IKZF2: variants seen among roughly 807,000 people sequenced by gnomAD.
The protein encoded by IKZF2 is IKAROS family zinc finger 2, also known as zinc finger protein Helios.
In IKZF2, 15 loss-of-function variants were observed where a neutral mutation model predicts 49.2. The observed-to-expected ratio is 0.30, with a 90% CI of 0.20 to 0.47. The LOEUF is 0.47. Among genes scored for constraint, IKZF2 ranks in the 20% least tolerant of loss-of-function variants. IKZF2 has a pLI of 1.00. For missense variants in IKZF2, 567 were observed against 664.6 expected (o/e 0.85, Z 1.61); for synonymous variants, 227 against 221.4 (o/e 1.03, Z -0.23).
At chr2:213,042,862 C>A (rs1456068594) in intron 6 of IKZF2, among the ~76,000 whole-genome samples, 2 of 151,782 alleles carry the variant, frequency 1.3e-5, no homozygotes, top group African/African-American at 2.4e-5. Context: ...AAATAAATAA[C>A]AAAATATATA....
At position 213,000,398 on chromosome 2, in the gene IKZF2, A is replaced by C. The variant is rs1189735483; in HGVS notation, c.*6962T>G. ...ACACAAAATACCCTAGAAACTGTCAAGCAATTAGTCTTTAAAATAGTCTAA... is the reference window on the plus strand; with the variant it reads ...ACACAAAATACCCTAGAAACTGTCACGCAATTAGTCTTTAAAATAGTCTAA... On this transcript the variant is annotated 3_prime_UTR_variant, in exon 9 of 9. Coordinates refer to ENST00000434687, the MANE Select transcript of IKZF2 (RefSeq NM_001387220.1). 6.6e-6 allele frequency: 1 copy of C among 151,358 alleles called. No homozygotes were observed. Among genetic ancestry groups the C allele is most frequent in the Non-Finnish European group, 1.5e-5 (1 of 67,498 alleles). The allele number at this position is 151,358 out of a possible 1,614,324, so 9.4% of individuals were successfully genotyped here.
chr2:213,104,774 T>C (rs1469735610), intron 4 of IKZF2, among the ~76,000 whole-genome samples: 1 of 152,198 alleles, frequency 6.6e-6, no homozygotes, highest in African/African-American at 2.4e-5. Flanking sequence ...CTTTTGCATT[T>C]AGATGCCAAC....
intron 4 of IKZF2, among the ~76,000 whole-genome samples, chr2:213,097,492 CAT>C: frequency 1.3e-5 from 2 of 152,158 alleles, no homozygotes; most frequent in East Asian, 3.9e-4. Flanking sequence ...CTCTTGATTT[CAT>C]ATGTTAAAGT....
intron 5 of IKZF2, among the ~76,000 whole-genome samples, chr2:213,052,039 T>C (rs940970565): frequency 6.6e-6 from 1 of 152,004 alleles, no homozygotes; most frequent in Admixed American, 6.6e-5. Flanking sequence ...AGTCTAAAAA[T>C]GAAACAATAT....
chr2:213,138,510 C>T (rs1410563141), intron 4 of IKZF2, among the ~76,000 whole-genome samples: 1 of 151,938 alleles, frequency 6.6e-6, no homozygotes, highest in Non-Finnish European at 1.5e-5. Context: ...CAGAAGCATA[C>T]TATTTAAACA....
intron 4 of IKZF2, among the ~76,000 whole-genome samples, chr2:213,121,835 T>C (rs2060068191): frequency 1.3e-5 from 2 of 152,220 alleles, no homozygotes; most frequent in African/African-American, 4.8e-5. Context: ...TAATCAGCTG[T>C]TGAAATCTAA....
At position 213,003,644 on chromosome 2, in the gene IKZF2, T is replaced by G. The variant is rs1695086699; in HGVS notation, c.*3716A>C. On this transcript the variant is annotated 3_prime_UTR_variant, in exon 9 of 9. Coordinates refer to ENST00000434687, the MANE Select transcript of IKZF2 (RefSeq NM_001387220.1). ...TTTTGGAGATAGGATGAAATAAAAT[T>G]TGGAAGATAGTGAGAACATAATAAT... 6.6e-6 allele frequency: 1 copy of G among 151,636 alleles called. No individual in the cohort carries two copies. 9.4% of individuals were successfully genotyped at this position (151,636 alleles called of 1,614,324 possible).
At position 213,005,576 on chromosome 2, in the gene IKZF2, TAC is replaced by T; in HGVS notation, c.*1782_*1783del. The stretch of plus-strand genomic sequence containing the variant: ...ATTCTCATACCACACTGTATTAAGA[TAC>T]ATAATTTCAGCATCCTATTTAATGA... On this transcript the variant is annotated 3_prime_UTR_variant, in exon 9 of 9. Transcript: ENST00000434687. 1 of 152,158 alleles carries T rather than the reference TAC, an allele frequency of 6.6e-6. No individual in the cohort carries two copies. Among genetic ancestry groups the T allele is most frequent in the Non-Finnish European group, 1.5e-5 (1 of 67,990 alleles). 9.4% of individuals were successfully genotyped at this position (152,158 alleles called of 1,614,324 possible).
At chr2:213,152,003 CG>C (rs2061297854), upstream of IKZF2, 1 of 151,928 alleles carries the variant, frequency 6.6e-6, no homozygotes, top group Admixed American at 6.6e-5. Context: ...CGCCCGGCCG[CG>C]TCGCCCCCAG....
chr2:213,129,551 T>C (rs1353652248), intron 4 of IKZF2, among the ~76,000 whole-genome samples: 2 of 151,800 alleles, frequency 1.3e-5, no homozygotes, highest in African/African-American at 4.8e-5. Flanking sequence ...AAGTCAGAGA[T>C]GGAGGCAGGG....
intron 4 of IKZF2, among the ~76,000 whole-genome samples, chr2:213,091,231 C>T (rs566689307): frequency 4.1e-4 from 63 of 152,120 alleles, no homozygotes; most frequent in Non-Finnish European, 7.2e-4. Context: ...AATATGGGTT[C>T]ACTAAAAATA....
At chr2:213,091,902 G>A (rs762031814) in intron 4 of IKZF2, among the ~76,000 whole-genome samples, 23 of 149,318 alleles carry the variant, frequency 1.5e-4, no homozygotes, top group Admixed American at 6.0e-4. Flanking sequence ...GTGTGTGTGC[G>A]TGTGTGTGTG....
At chr2:213,013,979 AT>A in intron 7 of IKZF2, 45 bp from the exon 8 acceptor site, 3 of 1,581,892 alleles carry the variant, frequency 1.9e-6, no homozygotes, top group Non-Finnish European at 2.6e-6. Context: ...TTTCTTCAAC[AT>A]TTTGGATGAT....
chr2:213,008,130 A>T, intron 8 of IKZF2, 46 bp from the exon 9 acceptor site: 1 of 928,960 alleles, frequency 1.1e-6, no homozygotes, highest in South Asian at 1.6e-5. Context: ...AAAAAAAAAT[A>T]CAACAACATT....
chr2:213,128,062 A>G (rs2060327654), intron 4 of IKZF2, among the ~76,000 whole-genome samples: 1 of 152,174 alleles, frequency 6.6e-6, no homozygotes, highest in Non-Finnish European at 1.5e-5. Flanking sequence ...GAAATGGTGA[A>G]ATGTGAGGAT....
At chr2:213,097,968 T>C in intron 4 of IKZF2, 1 of 309,308 alleles carries the variant, frequency 3.2e-6, no homozygotes, top group Admixed American at 3.9e-5. Flanking sequence ...ACCCTATAAA[T>C]TAGAGAAAGC....
chr2:213,084,798 C>T (rs555007494), intron 4 of IKZF2, among the ~76,000 whole-genome samples: 1 of 152,218 alleles, frequency 6.6e-6, no homozygotes, highest in African/African-American at 2.4e-5. Flanking sequence ...CTTTAGAGCC[C>T]ATCACATACT....
chr2:213,149,785 C>CA (rs1281055093), intron 2 of IKZF2, among the ~76,000 whole-genome samples: 1 of 131,684 alleles, frequency 7.6e-6, no homozygotes, highest in African/African-American at 2.7e-5. Context: ...TTACCCCCCC[C>CA]CCAAAAAAAA....
At chr2:213,133,035 T>G (rs777047514) in intron 4 of IKZF2, among the ~76,000 whole-genome samples, 1 of 152,232 alleles carries the variant, frequency 6.6e-6, no homozygotes, top group Non-Finnish European at 1.5e-5. Flanking sequence ...TTCCATGCAA[T>G]GCTTTGGACT....
Sources: allele counts gnomAD v4.1 joint callset (sites outside exome capture counted in the v4.1 genomes callset), GRCh38; gene constraint gnomAD v4.1.1; transcripts MANE v1.5; gene names NCBI Gene and HGNC (gene_info 2026-07-23, HGNC 2026-07-21).